The following TTI1 variants were observed in gnomAD, a reference collection of about 807,000 sequenced individuals.
The protein encoded by TTI1 is TELO2-interacting protein 1 homolog.
Under a neutral mutation model 85.4 loss-of-function variants are expected in TTI1, and 52 were observed. That is an observed-to-expected ratio of 0.61 (90% CI 0.49 to 0.77). TTI1 has a LOEUF of 0.77. Among genes scored for constraint, TTI1 ranks in the 30% least tolerant of loss-of-function variants. The probability of loss-of-function intolerance (pLI) is 0.00; values close to 1 mark genes in which losing one functional copy is unlikely to be tolerated. For synonymous variants in TTI1, 512 were observed against 503.9 expected (o/e 1.02, Z -0.22); for missense variants, 1,173 against 1,296.0 (o/e 0.91, Z 1.46).
intron 1 of TTI1, among the ~76,000 whole-genome samples, chr20:38,020,350 A>ATG (rs1555795803): frequency 4.0e-5 from 5 of 125,848 alleles, no homozygotes; most frequent in South Asian, 2.7e-4. Context: ...ATATATATAT[A>ATG]TATGTATGTA....
At chr20:37,999,022 A>T (rs1442083732) in intron 5 of TTI1, among the ~76,000 whole-genome samples, 166 bp downstream of exon 5, 1 of 152,238 alleles carries the variant, frequency 6.6e-6, no homozygotes, top group African/African-American at 2.4e-5. Context: ...CAAGTTCAAA[A>T]GGAGACTGTT....
At chr20:38,020,511 T>C (rs1235241624) in intron 1 of TTI1, among the ~76,000 whole-genome samples, 2 of 151,266 alleles carry the variant, frequency 1.3e-5, no homozygotes, top group Non-Finnish European at 2.9e-5. Flanking sequence ...TTGGACTACC[T>C]TAAAATTTAA....
intron 1 of TTI1, among the ~76,000 whole-genome samples, chr20:38,014,373 G>A (rs1239640224): frequency 6.6e-6 from 1 of 152,126 alleles, no homozygotes; most frequent in African/African-American, 2.4e-5. Context: ...AACCTAGAAG[G>A]CTCCCTCATG....
At chr20:37,986,249 C>T (rs529539392) in intron 7 of TTI1, among the ~76,000 whole-genome samples, 67 of 152,322 alleles carry the variant, frequency 4.4e-4, no homozygotes, top group South Asian at 4.3e-3. Flanking sequence ...CCCAGCAAAG[C>T]GGTGCCACGA....
In TTI1 at chr20:38,006,243, CT is replaced by C; in HGVS notation, c.2456del (p.Glu819GlyfsTer44). The C allele has an allele frequency of 6.2e-7, 1 of 1,614,236 alleles. No homozygotes were observed. Among genetic ancestry groups the C allele is most frequent in the Non-Finnish European group, 8.5e-7 (1 of 1,180,038 alleles). ...AGACATTTCCATCTGCCACATCCTT[CT>C]CTTTGAGGTAGTTCAGCAAAAACTG... ...IEQFLLNYLKEKDVADGNVSD... is the reference protein window; with the variant it reads ...IEQFLLNYLKXKDVADGNVSD... On this transcript the variant is annotated frameshift_variant, in exon 3 of 8. Transcript: ENST00000373447. LOFTEE classifies it high-confidence loss of function.
chr20:38,029,233 G>A (rs1266820385), intron 1 of TTI1, among the ~76,000 whole-genome samples: 1 of 151,236 alleles, frequency 6.6e-6, no homozygotes, highest in Non-Finnish European at 1.5e-5. Flanking sequence ...AAACCTTAAG[G>A]GAAATTAGAA....
At position 38,002,613 on chromosome 20, in the gene TTI1, C is replaced by A; in HGVS notation, c.2652+15G>T. ...CTGCTACTCTGGGAATGCAGAGAAG[C>A]AGCTGCGCACTGACCTTCAGGCGGA... is the stretch of plus-strand genomic sequence containing the variant. On this transcript the variant is annotated intron_variant, in intron 4 of 7. Coordinates refer to ENST00000373447, the MANE Select transcript of TTI1 (RefSeq NM_001303457.2). 1.2e-6 allele frequency: 2 copies of A among 1,612,510 alleles called. No individual in the cohort carries two copies. Among genetic ancestry groups the A allele is most frequent in the Non-Finnish European group, 1.7e-6 (2 of 1,178,642 alleles).
Position 37,999,329 on chromosome 20 carries a change from C to A in TTI1, c.2653-1G>T. ...CACACAGATCCAGCACATCCAAGACCTGAAAGAGACACGATTTCAGCAGAT... is the reference window on the plus strand; with the variant it reads ...CACACAGATCCAGCACATCCAAGACATGAAAGAGACACGATTTCAGCAGAT... On this transcript the variant is annotated splice_acceptor_variant, in intron 4 of 7. Transcript: ENST00000373447. LOFTEE classifies it high-confidence loss of function. 7.1e-7 allele frequency: 1 copy of A among 1,404,296 alleles called. No individual in the cohort carries two copies. The highest frequency in any genetic ancestry group is 9.3e-7 in the Non-Finnish European group (1 of 1,070,070). The allele number at this position is 1,404,296 out of a possible 1,614,324, so 87.0% of individuals were successfully genotyped here. A position where few individuals can be genotyped will look rare whatever the true frequency, so the allele number is the denominator to read the frequency against.
At chr20:38,009,668 T>A (rs1422612478) in intron 2 of TTI1, among the ~76,000 whole-genome samples, 2 of 147,410 alleles carry the variant, frequency 1.4e-5, no homozygotes, top group Non-Finnish European at 2.9e-5. Context: ...TCCCAACTAA[T>A]TTTTTTCCAT....
chr20:38,012,268 C>T lies in TTI1; in HGVS notation c.1549G>A (p.Val517Ile), dbSNP rs762563665. Reference sequence around the variant, plus strand: ...ATCATGGCAGCTTGCTTCCGGTAAACCACAGATTGATGGTAAAGTTCCATA... The same window carrying T: ...ATCATGGCAGCTTGCTTCCGGTAAATCACAGATTGATGGTAAAGTTCCATA... ...HFMELYHQSV[V>I]YRKQAAMILN... The change falls in exon 2 of 8, where the codon GTT (valine) becomes ATT (isoleucine). Residue 517 changes from valine (V) to isoleucine (I), a missense_variant. Val to Ile is a conservative substitution (Grantham distance 29, BLOSUM62 3). Transcript: ENST00000373447. The T allele has an allele frequency of 6.2e-7, 1 of 1,614,168 alleles. No homozygotes were observed. Among genetic ancestry groups the T allele is most frequent in the African/African-American group, 1.3e-5 (1 of 75,026 alleles).
intron 3 of TTI1, among the ~76,000 whole-genome samples, chr20:38,004,281 G>C (rs1478573838): frequency 6.6e-6 from 1 of 152,124 alleles, no homozygotes; most frequent in East Asian, 1.9e-4. Flanking sequence ...AAATTTTCCT[G>C]ATCTACTTAC....
chr20:38,022,174 AT>A (rs1379277630), intron 1 of TTI1, among the ~76,000 whole-genome samples: 7 of 152,164 alleles, frequency 4.6e-5, no homozygotes, highest in Non-Finnish European at 8.8e-5. Context: ...TCACACATCC[AT>A]TCAGATGAAA....
At position 38,013,690 on chromosome 20, in the gene TTI1, T is replaced by G; in HGVS notation, c.127A>C (p.Ser43Arg). 6.2e-7 allele frequency: 1 copy of G among 1,614,238 alleles called. No individual in the cohort carries two copies. The highest frequency in any genetic ancestry group is 8.5e-7 in the Non-Finnish European group (1 of 1,180,032). ...TACTGCTGAAGTTCCTGAAGGGCAC[T>G]GTCACTCACAGCTTGTAGTCGTGTC... ...LQTRLQAVSDSALQELQQYIL... is the reference protein window; with the variant it reads ...LQTRLQAVSDRALQELQQYIL... The change falls in exon 2 of 8, where the codon AGT becomes CGT. Residue 43 changes from serine to arginine, a missense_variant. Transcript: ENST00000373447.
chr20:38,006,437 C>G (rs781363805), intron 2 of TTI1, 40 bp from the exon 3 acceptor site: 38 of 1,607,942 alleles, frequency 2.4e-5, no homozygotes, highest in Non-Finnish European at 3.1e-5. Context: ...TGGCTATTAA[C>G]AACAGGCATG....
intron 2 of TTI1, among the ~76,000 whole-genome samples, chr20:38,010,462 C>G (rs1433929960): frequency 7.0e-6 from 1 of 143,500 alleles, no homozygotes; most frequent in Non-Finnish European, 1.5e-5. Context: ...AAAATTTTGC[C>G]ATTCCTTTTT....
chr20:37,985,282 A>G (rs1413490064), intron 7 of TTI1, among the ~76,000 whole-genome samples: 1 of 149,804 alleles, frequency 6.7e-6, no homozygotes, highest in African/African-American at 2.5e-5. Context: ...GATAAATCAC[A>G]TTTTATTATT....
chr20:37,996,493 G>C, intron 6 of TTI1, 31 bp from the exon 7 acceptor site: 1 of 1,609,068 alleles, frequency 6.2e-7, no homozygotes, highest in Non-Finnish European at 8.5e-7. Context: ...ACAAGCATCA[G>C]CCCTTACACT....
At chr20:38,003,354 G>C (rs985820709) in intron 3 of TTI1, among the ~76,000 whole-genome samples, 3 of 152,156 alleles carry the variant, frequency 2.0e-5, no homozygotes, top group African/African-American at 7.2e-5. Flanking sequence ...TATGCAGCAT[G>C]AACACTACTA....
At chr20:37,986,983 C>T (rs571391581) in intron 7 of TTI1, 1 of 358,374 alleles carries the variant, frequency 2.8e-6, no homozygotes, top group East Asian at 7.4e-5. Context: ...ATACTTTGTC[C>T]TCTGCATGCC....
Sources: gnomAD v4.1 joint callset for allele counts (sites outside exome capture counted in the v4.1 genomes callset) on GRCh38, gnomAD v4.1.1 for gene constraint, MANE v1.5 for transcripts, NCBI Gene and HGNC (gene_info 2026-07-23, HGNC 2026-07-21) for gene names.